The following ARSF variants were observed in gnomAD, a reference collection of about 807,000 sequenced individuals.
The protein encoded by ARSF is arylsulfatase F.
ARSF carries 33 observed loss-of-function variants against 35.4 expected under a neutral mutation model. That is an observed-to-expected ratio of 0.93 (90% CI 0.71 to 1.25). The LOEUF (loss-of-function observed/expected upper bound fraction) is 1.25, where lower values mean the gene tolerates loss of function less well. Among genes scored for constraint, ARSF ranks in the 50% most tolerant of loss-of-function variants. ARSF has a pLI of 0.00. For missense variants in ARSF, 501 were observed against 480.2 expected, an observed-to-expected ratio of 1.04 and a Z score of -0.40; for synonymous variants, 222 against 193.1, an observed-to-expected ratio of 1.15 and a Z score of -1.24.
intron 1 of ARSF, among the ~76,000 whole-genome samples, chrX:3,061,117 T>C (rs1339752488): frequency 8.9e-6 from 1 of 111,749 alleles, no homozygotes; most frequent in East Asian, 2.8e-4. Flanking sequence ...GCAGAAACTC[T>C]ACAAGCCAGA....
At chrX:3,092,892 G>T (rs185251487) in intron 7 of ARSF, among the ~76,000 whole-genome samples, 1 of 112,290 alleles carries the variant, frequency 8.9e-6, no homozygotes, top group African/African-American at 3.2e-5. Flanking sequence ...ATCATAGGTG[G>T]CCGGGCGCGG....
At chrX:3,052,826 A>G (rs2090002141) in intron 1 of ARSF, among the ~76,000 whole-genome samples, 1 of 111,961 alleles carries the variant, frequency 8.9e-6, no homozygotes, top group African/African-American at 3.2e-5. Flanking sequence ...AAAATGTTTT[A>G]CAGTTATTGT....
chrX:3,040,421 T>C (rs12383102), upstream of ARSF, among the ~76,000 whole-genome samples: 2 of 110,978 alleles, frequency 1.8e-5, no homozygotes, highest in Admixed American at 1.9e-4. Context: ...ACCTCCTTTT[T>C]ATTTTTCTCC....
At chrX:3,046,540 C>T (rs2089976206) in intron 1 of ARSF, among the ~76,000 whole-genome samples, 2 of 111,868 alleles carry the variant, frequency 1.8e-5, no homozygotes, top group African/African-American at 6.5e-5. Flanking sequence ...AGAGATGGAT[C>T]CTACTCATAG....
At chrX:3,057,011 C>T (rs946197603) in intron 1 of ARSF, among the ~76,000 whole-genome samples, 9 of 111,449 alleles carry the variant, frequency 8.1e-5, no homozygotes, top group Non-Finnish European at 1.7e-4. Context: ...AAGTCAGATG[C>T]TCAGGTGGGA....
intron 4 of ARSF, among the ~76,000 whole-genome samples, chrX:3,078,070 C>T (rs1341873229): frequency 9.2e-6 from 1 of 109,128 alleles, no homozygotes; most frequent in East Asian, 2.9e-4. Context: ...TCCCAGAGTG[C>T]GGGGATTATA....
chrX:3,083,485 T>C (rs775420715), intron 5 of ARSF, among the ~76,000 whole-genome samples: 1 of 56,427 alleles, frequency 1.8e-5, no homozygotes, highest in Non-Finnish European at 3.9e-5. Flanking sequence ...CTCTATCCTA[T>C]CTATCTATCT....
At chrX:3,102,135 TA>T (rs1213621875) in intron 8 of ARSF, among the ~76,000 whole-genome samples, 72 of 108,731 alleles carry the variant, frequency 6.6e-4, no homozygotes, top group Middle Eastern at 4.8e-3. Flanking sequence ...CATTCTATTT[TA>T]AAAAAAAAAT....
chrX:3,051,026 C>T lies in ARSF; in HGVS notation c.-29+9363C>T, dbSNP rs144917354. Among the ~76,000 whole-genome samples the T allele has an allele frequency of 4.0e-4, 44 of 111,344 alleles. No homozygotes were observed. In the East Asian group the frequency reaches 0.012, roughly 30 times the overall value. On this transcript the variant is annotated intron_variant, in intron 1 of 10. Transcript: ENST00000381127. ...GTGACCAATTATTATTTTAGAGAGACAGTTTAATAACCGCCTGATGCTCGC... is the reference window on the plus strand; with the variant it reads ...GTGACCAATTATTATTTTAGAGAGATAGTTTAATAACCGCCTGATGCTCGC...
chrX:3,070,912 C>G (rs914966677), intron 2 of ARSF, among the ~76,000 whole-genome samples: 1 of 106,867 alleles, frequency 9.4e-6, no homozygotes, highest in Admixed American at 1.0e-4. Context: ...TATTTTGTTC[C>G]TTTTTATGGC....
intron 1 of ARSF, among the ~76,000 whole-genome samples, chrX:3,053,726 G>A (rs1423277458): frequency 2.8e-5 from 3 of 107,154 alleles, no homozygotes; most frequent in Admixed American, 1.0e-4. Context: ...TCAGCCTTCC[G>A]GACCACAGGT....
At chrX:3,094,374 T>C (rs2090325332) in intron 7 of ARSF, among the ~76,000 whole-genome samples, 3 of 111,752 alleles carry the variant, frequency 2.7e-5, no homozygotes, top group African/African-American at 9.7e-5. Context: ...ATTAGACTCC[T>C]ACAGACCGTC....
rs561564476 is a variant in ARSF at position 3,071,291 on chromosome X, TTTG to T, written c.12-708_12-706del. ...TGTAAACATGCGTGTGCAAGTGTCTTTTGTTGTTGTTGTTGTTGTTGTTGTTGT... is the reference window on the plus strand; with the variant it reads ...TGTAAACATGCGTGTGCAAGTGTCTTTTGTTGTTGTTGTTGTTGTTGTTGT... On this transcript the variant is annotated intron_variant, in intron 2 of 10. Transcript: ENST00000381127. Among the ~76,000 whole-genome samples the T allele has an allele frequency of 7.4e-3, 817 of 110,188 alleles. 5 individuals carry two copies. Among genetic ancestry groups the T allele is most frequent in the African/African-American group, 0.021 (646 of 30,289 alleles).
At chrX:3,101,366 G>A in intron 8 of ARSF, 145 bp downstream of exon 8, 7 of 715,798 alleles carry the variant, frequency 9.8e-6, no homozygotes, top group Non-Finnish European at 1.4e-5. Context: ...TGAAGTATTG[G>A]ACCAAGGTCA....
At chrX:3,042,742 C>T (rs769272176) in intron 1 of ARSF, among the ~76,000 whole-genome samples, 1 of 110,926 alleles carries the variant, frequency 9.0e-6, no homozygotes, top group Admixed American at 9.7e-5. Flanking sequence ...AGGTGATCCA[C>T]CCACCTAAGC....
At position 3,103,797 on chromosome X, in the gene ARSF, C is replaced by T. The variant is rs145601573; in HGVS notation, c.1138C>T (p.Arg380Cys). The T allele has an allele frequency of 2.6e-5, 32 of 1,209,586 alleles. No individual in the cohort carries two copies. Among genetic ancestry groups the T allele is most frequent in the Middle Eastern group, 2.3e-4 (1 of 4,344 alleles). ...CATGGGGGGCTGGGAAGGTGGAATC[C>T]GCGTCCCAGGAATTGTCCGATGGCC... is the stretch of plus-strand genomic sequence containing the variant. ...KGMGGWEGGI[R>C]VPGIVRWPGK... Residue 380 changes from arginine to cysteine, a missense_variant, in exon 9 of 11, where the codon CGC becomes TGC. Coordinates refer to ENST00000381127, the MANE Select transcript of ARSF (RefSeq NM_001201539.2).
intron 1 of ARSF, among the ~76,000 whole-genome samples, chrX:3,060,220 T>C (rs7891883): frequency 0.074 from 8,320 of 111,683 alleles, 426 homozygotes; most frequent in African/African-American, 0.19. Flanking sequence ...AGGTGAGGGA[T>C]CTGACTGTCA....
intron 5 of ARSF, 111 bp downstream of exon 5, chrX:3,081,124 A>G: frequency 9.9e-7 from 1 of 1,014,476 alleles, no homozygotes; most frequent in Non-Finnish European, 1.3e-6. Flanking sequence ...TGTCTTATGT[A>G]AAGGCGCAGT....
At chrX:3,047,085 A>G (rs1247178670) in intron 1 of ARSF, among the ~76,000 whole-genome samples, 1 of 111,860 alleles carries the variant, frequency 8.9e-6, no homozygotes, top group Non-Finnish European at 1.9e-5. Context: ...AAGCTTGAAA[A>G]GGAATTGGTT....
Sources: allele counts gnomAD v4.1 joint callset (sites outside exome capture counted in the v4.1 genomes callset), GRCh38; gene constraint gnomAD v4.1.1; transcripts MANE v1.5; gene names NCBI Gene and HGNC (gene_info 2026-07-23, HGNC 2026-07-21).